The following UBE3D variants were observed in gnomAD, a reference collection of about 807,000 sequenced individuals.
UBE3D encodes ubiquitin protein ligase E3D.
In UBE3D, 48 loss-of-function variants were observed where a neutral mutation model predicts 49.6. The ratio of observed to expected loss-of-function variants is 0.97; its 90% CI spans 0.77 to 1.23. The LOEUF (loss-of-function observed/expected upper bound fraction) is 1.23. UBE3D is among the 50% of genes most tolerant of loss of function. The pLI, the probability that UBE3D is intolerant of heterozygous loss-of-function variation, is 0.00. For missense variants in UBE3D, 452 were observed against 468.4 expected, an observed-to-expected ratio of 0.96 and a Z score of 0.32; for synonymous variants, 189 against 174.2, an observed-to-expected ratio of 1.08 and a Z score of -0.67.
rs929871340 is a variant in UBE3D, at chr6:82,966,702, A to C, written c.1011-9252T>G. ...CTGAATTGTACCCTTTAAAAGAACA[A>C]ATTTTATGGTATGTATATCATATTT... is the stretch of plus-strand genomic sequence containing the variant. On this transcript the variant is annotated intron_variant, in intron 8 of 9. Transcript: ENST00000369747. Among the ~76,000 whole-genome samples the C allele has an allele frequency of 7.2e-5, 11 of 152,044 alleles. No homozygotes were observed. The East Asian group carries it at 9.7e-4, about 13-fold the overall frequency.
At chr6:82,979,651 C>T (rs1777972204) in intron 8 of UBE3D, among the ~76,000 whole-genome samples, 1 of 152,118 alleles carries the variant, frequency 6.6e-6, no homozygotes, top group African/African-American at 2.4e-5. Flanking sequence ...AATTTTGTTA[C>T]ATGGGCATAT....
In UBE3D at chr6:83,064,375, G is replaced by A. The variant is rs141111293; in HGVS notation, c.77+1267C>T. Among the ~76,000 whole-genome samples, 1,118 of 152,050 alleles carry A rather than the reference G, an allele frequency of 7.4e-3. 19 individuals carry two copies. Among genetic ancestry groups the A allele is most frequent in the African/African-American group, 0.026 (1,068 of 41,458 alleles). On this transcript the variant is annotated intron_variant, in intron 1 of 9. Coordinates refer to ENST00000369747, the MANE Select transcript of UBE3D (RefSeq NM_198920.3). The stretch of plus-strand genomic sequence containing the variant: ...AGTAGCTGGGACTGACTAAAGGTGC[G>A]CGCCACCACACCCAGCTAATTTTTG...
At chr6:83,025,776 G>C (rs559013272) in intron 5 of UBE3D, among the ~76,000 whole-genome samples, 1 of 151,586 alleles carries the variant, frequency 6.6e-6, no homozygotes, top group Admixed American at 6.6e-5. Context: ...CCAGCTACTC[G>C]GGAGGGTGAG....
intron 5 of UBE3D, among the ~76,000 whole-genome samples, chr6:83,031,158 C>T (rs1036558580): frequency 6.6e-6 from 1 of 152,096 alleles, no homozygotes; most frequent in Non-Finnish European, 1.5e-5. Context: ...CAGGCGTGCA[C>T]CAATATGCCT....
chr6:82,953,191 C>T (rs1292952719), intron 9 of UBE3D, among the ~76,000 whole-genome samples: 1 of 152,236 alleles, frequency 6.6e-6, no homozygotes, highest in African/African-American at 2.4e-5. Flanking sequence ...CTCCAGAGGA[C>T]ACCTCTGCAC....
intron 9 of UBE3D, among the ~76,000 whole-genome samples, chr6:82,947,660 T>A (rs923227915): frequency 3.9e-5 from 6 of 151,918 alleles, no homozygotes; most frequent in African/African-American, 1.4e-4. Context: ...TGAAATAACA[T>A]CAAGCATCTT....
At chr6:83,018,841 A>T in intron 8 of UBE3D, 132 bp downstream of exon 8, 1 of 893,396 alleles carries the variant, frequency 1.1e-6, no homozygotes, top group Non-Finnish European at 1.7e-6. Context: ...TATAATATTT[A>T]GCAGTATTGG....
At chr6:82,907,373 GAAAC>G (rs1281701214) in intron 9 of UBE3D, among the ~76,000 whole-genome samples, 2 of 152,152 alleles carry the variant, frequency 1.3e-5, no homozygotes, top group African/African-American at 4.8e-5. Flanking sequence ...TTTGGAAATG[GAAAC>G]AAACAAACAA....
intron 9 of UBE3D, among the ~76,000 whole-genome samples, chr6:82,913,030 G>A (rs1448973348): frequency 6.6e-6 from 1 of 152,170 alleles, no homozygotes; most frequent in African/African-American, 2.4e-5. Context: ...TGTTTCACTA[G>A]TTATTAACTG....
chr6:82,999,048 ATCT>A (rs1255637103), intron 8 of UBE3D, among the ~76,000 whole-genome samples: 8 of 152,158 alleles, frequency 5.3e-5, no homozygotes, highest in African/African-American at 1.9e-4. Flanking sequence ...ACCATTTTAA[ATCT>A]TCTCCATTCT....
At chr6:82,963,461 A>G (rs1776697216) in intron 8 of UBE3D, among the ~76,000 whole-genome samples, 1 of 152,180 alleles carries the variant, frequency 6.6e-6, no homozygotes, top group Non-Finnish European at 1.5e-5. Context: ...GTTAACTCAC[A>G]CAATCATAAG....
intron 8 of UBE3D, among the ~76,000 whole-genome samples, chr6:82,975,158 G>C (rs975327051): frequency 1.3e-5 from 2 of 152,000 alleles, no homozygotes; most frequent in Non-Finnish European, 1.5e-5. Flanking sequence ...TCTTTATTAA[G>C]ACCCCAAGCA....
intron 8 of UBE3D, among the ~76,000 whole-genome samples, chr6:82,991,297 G>T (rs566503992): frequency 6.6e-6 from 1 of 152,124 alleles, no homozygotes; most frequent in Non-Finnish European, 1.5e-5. Context: ...GAACATGAAA[G>T]AATTTTTAAA....
In UBE3D at chr6:82,940,069, G is replaced by A. The variant is rs140039073; in HGVS notation, c.1149+17243C>T. The stretch of plus-strand genomic sequence containing the variant: ...GTGGCAGGTATCTGGGTAGGGAATC[G>A]GCCTTTTGAAAGATGTGATGTGGCA... On this transcript the variant is annotated intron_variant, in intron 9 of 9. Coordinates refer to ENST00000369747, the MANE Select transcript of UBE3D (RefSeq NM_198920.3). 2.0e-3 allele frequency among the ~76,000 whole-genome samples: 301 copies of A among 152,192 alleles called. 3 individuals are homozygous for A. Among genetic ancestry groups the A allele is most frequent in the African/African-American group, 6.3e-3 (262 of 41,530 alleles).
At chr6:82,979,429 C>T (rs778782939) in intron 8 of UBE3D, among the ~76,000 whole-genome samples, 1 of 152,042 alleles carries the variant, frequency 6.6e-6, no homozygotes, top group Non-Finnish European at 1.5e-5. Context: ...CTCTGGTCTT[C>T]GTTTGAAAAA....
chr6:82,970,844 A>AAAAAAC (rs574324667), intron 8 of UBE3D, among the ~76,000 whole-genome samples: 1 of 152,040 alleles, frequency 6.6e-6, no homozygotes, highest in Non-Finnish European at 1.5e-5. Context: ...GTCTCAAAAC[A>AAAAAAC]AAAAACAAAA....
chr6:82,977,758 A>C (rs1562143865), intron 8 of UBE3D, among the ~76,000 whole-genome samples: 1 of 152,078 alleles, frequency 6.6e-6, no homozygotes, highest in Non-Finnish European at 1.5e-5. Context: ...AAATCGCTTG[A>C]ACCCAGGAGG....
chr6:82,991,092 A>G (rs1394987179), intron 8 of UBE3D, among the ~76,000 whole-genome samples: 2 of 152,146 alleles, frequency 1.3e-5, no homozygotes, highest in Non-Finnish European at 2.9e-5. Flanking sequence ...GGCTCTCCAT[A>G]GGCCCTGGTG....
At chr6:82,957,604 A>C (rs1277509676) in intron 8 of UBE3D, among the ~76,000 whole-genome samples, 154 bp from the exon 9 acceptor site, 1 of 152,228 alleles carries the variant, frequency 6.6e-6, no homozygotes, top group African/African-American at 2.4e-5. Context: ...AACATGTCCA[A>C]GACGTTTTTA....
Sources: allele counts gnomAD v4.1 joint callset (sites outside exome capture counted in the v4.1 genomes callset), GRCh38; gene constraint gnomAD v4.1.1; transcripts MANE v1.5; gene names NCBI Gene and HGNC (gene_info 2026-07-23, HGNC 2026-07-21).